TAFA2: variants seen among roughly 807,000 people sequenced by gnomAD.
TAFA2 encodes the protein TAFA chemokine like family member 2.
TAFA2 carries 7 observed loss-of-function variants against 18.8 expected under a neutral mutation model. The ratio of observed to expected loss-of-function variants is 0.37; its 90% CI spans 0.21 to 0.70. TAFA2 has a LOEUF of 0.70. Among genes scored for constraint, TAFA2 ranks in the 30% least tolerant of loss-of-function variants. TAFA2 has a pLI of 0.53. For missense variants in TAFA2, 122 were observed against 158.1 expected, an observed-to-expected ratio of 0.77 and a Z score of 1.23; for synonymous variants, 60 against 54.2, an observed-to-expected ratio of 1.11 and a Z score of -0.47.
intron 1 of TAFA2, among the ~76,000 whole-genome samples, chr12:62,074,741 A>G (rs1047549061): frequency 1.4e-5 from 2 of 146,858 alleles, no homozygotes; most frequent in Non-Finnish European, 3.0e-5. Flanking sequence ...TCACTCTGTC[A>G]CACAGGCTGG....
intron 2 of TAFA2, among the ~76,000 whole-genome samples, chr12:61,760,047 G>T (rs11174160): frequency 0.39 from 57,466 of 146,550 alleles, 11,906 homozygotes; most frequent in African/African-American, 0.53. Flanking sequence ...ATGGTAGCCT[G>T]ATAGATGCAG....
chr12:62,179,004 A>C (rs978053642), intron 1 of TAFA2, among the ~76,000 whole-genome samples: 4 of 152,192 alleles, frequency 2.6e-5, no homozygotes, highest in African/African-American at 9.7e-5. Context: ...TGAGGATCGC[A>C]CTCATTTCTA....
At chr12:62,050,624 A>G (rs951407723) in intron 1 of TAFA2, among the ~76,000 whole-genome samples, 7 of 152,174 alleles carry the variant, frequency 4.6e-5, no homozygotes, top group Non-Finnish European at 1.0e-4. Context: ...TCCCTTGTAT[A>G]ACAAATGGTC....
intron 1 of TAFA2, chr12:62,253,735 T>A (rs1477407310): frequency 6.6e-6 from 1 of 152,092 alleles, no homozygotes; most frequent in Non-Finnish European, 1.5e-5. Context: ...TTCAGGAAAA[T>A]CCCCCCATTT....
At chr12:61,975,221 A>G (rs927309704) in intron 1 of TAFA2, among the ~76,000 whole-genome samples, 6 of 151,780 alleles carry the variant, frequency 4.0e-5, no homozygotes, top group African/African-American at 1.4e-4. Context: ...TCTTCATGCT[A>G]TACATCTGAT....
chr12:61,867,361 G>T lies in TAFA2; in HGVS notation c.65C>A (p.Thr22Asn), dbSNP rs751468007. 3.0e-5 allele frequency: 48 copies of T among 1,608,486 alleles called. No homozygotes were observed. The highest frequency in any genetic ancestry group is 3.8e-5 in the Non-Finnish European group (45 of 1,177,070). The change falls in exon 2 of 5, where the codon ACC (threonine) becomes AAC (asparagine). Residue 22 changes from threonine to asparagine, a missense_variant. By Grantham distance (65) the Thr-to-Asn change is moderately conservative (BLOSUM62 0). This residue lies in a region of TAFA2 where 62 missense variants were observed against 55.5 expected (regional missense o/e 1.12). Transcript: ENST00000416284. ...GKLLIIIFIVTLWGKVVSSAN... is the reference protein window; with the variant it reads ...GKLLIIIFIVNLWGKVVSSAN... ...ACTGGATACAACTTTCCCCCACAAG[G>T]TTACAATAAATATTATTATTAGCAG...
At chr12:61,867,662 T>C (rs3759288) in intron 1 of TAFA2, among the ~76,000 whole-genome samples, 99,905 of 151,994 alleles carry the variant, frequency 0.66, 32,848 homozygotes, top group South Asian at 0.71. Flanking sequence ...TCAGTCTTCA[T>C]CCACTTAACC....
Position 61,897,848 on chromosome 12 carries a change from A to G in TAFA2, c.-1-30422T>C, listed in dbSNP as rs766787660. ...GTTTCCCAGAGTCTTAACTCATTTC[A>G]GCATTAACCCAAAACTCCAAGTCAA... is the stretch of plus-strand genomic sequence containing the variant. On this transcript the variant is annotated intron_variant, in intron 1 of 4. Transcript: ENST00000416284. Among the ~76,000 whole-genome samples the G allele has an allele frequency of 4.6e-5, 7 of 152,322 alleles. No homozygotes were observed. In the South Asian group the frequency reaches 8.3e-4, roughly 18 times the overall value.
chr12:62,028,402 A>G (rs944273092), intron 1 of TAFA2, among the ~76,000 whole-genome samples: 1 of 152,104 alleles, frequency 6.6e-6, no homozygotes, highest in Non-Finnish European at 1.5e-5. Context: ...CTCTCTGTCT[A>G]CAGGAGAGGA....
At chr12:61,830,214 T>C (rs551994298) in intron 2 of TAFA2, among the ~76,000 whole-genome samples, 1 of 150,224 alleles carries the variant, frequency 6.7e-6, no homozygotes, top group South Asian at 2.1e-4. Flanking sequence ...TGTATATGTA[T>C]ATGTATATAT....
chr12:62,165,939 TCACACACACACACACA>T (rs34593506), intron 1 of TAFA2, among the ~76,000 whole-genome samples: 1 of 139,364 alleles, frequency 7.2e-6, no homozygotes, highest in African/African-American at 2.7e-5. Context: ...TCTCTCTCTC[TCACACACACACACACA>T]CACACACACA....
intron 1 of TAFA2, among the ~76,000 whole-genome samples, chr12:62,255,545 T>C (rs1193069460): frequency 6.6e-6 from 1 of 152,238 alleles, no homozygotes; most frequent in African/African-American, 2.4e-5. Context: ...CTTGATTTGC[T>C]TATCAATTCA....
At chr12:62,142,150 C>T (rs1444644765) in intron 1 of TAFA2, among the ~76,000 whole-genome samples, 1 of 152,146 alleles carries the variant, frequency 6.6e-6, no homozygotes, top group African/African-American at 2.4e-5. Context: ...ACTTTATAAG[C>T]TTGTGATCTT....
intron 1 of TAFA2, among the ~76,000 whole-genome samples, chr12:62,221,007 G>A (rs2062758281): frequency 6.6e-6 from 1 of 152,148 alleles, no homozygotes; most frequent in South Asian, 2.1e-4. Context: ...GGGAGGCTGA[G>A]GCAGGAGAAT....
chr12:61,826,590 T>C (rs1872544268), intron 2 of TAFA2, among the ~76,000 whole-genome samples: 1 of 152,104 alleles, frequency 6.6e-6, no homozygotes, highest in South Asian at 2.1e-4. Context: ...AATATTTGAA[T>C]GCCAATGTGT....
At chr12:61,914,316 A>G (rs1876730910) in intron 1 of TAFA2, among the ~76,000 whole-genome samples, 1 of 152,186 alleles carries the variant, frequency 6.6e-6, no homozygotes, top group African/African-American at 2.4e-5. Context: ...CTTAGGGTCT[A>G]AAGTTAGCCT....
intron 1 of TAFA2, among the ~76,000 whole-genome samples, chr12:61,889,277 A>T (rs1377393908): frequency 6.6e-6 from 1 of 152,190 alleles, no homozygotes; most frequent in African/African-American, 2.4e-5. Context: ...AGCTGACCCT[A>T]TTGAGTATTG....
At chr12:62,234,625 T>C (rs2062827378) in intron 1 of TAFA2, 2 of 830,238 alleles carry the variant, frequency 2.4e-6, no homozygotes, top group South Asian at 2.7e-5. Context: ...CTCTCACCCA[T>C]GTGCTTGCAC....
rs752002082 is a variant in TAFA2 at position 61,867,371 on chromosome 12, ATAT to A, written c.52_54del (p.Ile18del). The A allele has an allele frequency of 1.2e-6, 2 of 1,609,992 alleles. No homozygotes were observed. The highest frequency in any genetic ancestry group is 1.7e-6 in the Non-Finnish European group (2 of 1,177,136). On this transcript the variant is annotated inframe_deletion, in exon 2 of 5. Transcript: ENST00000416284. Reference sequence around the variant, plus strand: ...ACTTTCCCCCACAAGGTTACAATAAATATTATTATTAGCAGTTTTCCTTTTGTT... The same window carrying A: ...ACTTTCCCCCACAAGGTTACAATAAATATTATTAGCAGTTTTCCTTTTGTT...
Sources: gnomAD v4.1 joint callset for allele counts (sites outside exome capture counted in the v4.1 genomes callset) on GRCh38, gnomAD v4.1.1 for gene constraint, gnomAD v4.1.1 regional missense constraint, MANE v1.5 for transcripts, NCBI Gene and HGNC (gene_info 2026-07-23, HGNC 2026-07-21) for gene names.